PABPC4L: variants seen among roughly 807,000 people sequenced by gnomAD.
PABPC4L encodes poly(A) binding protein cytoplasmic 4 like.
For missense variants in PABPC4L, 452 were observed against 451.4 expected, an observed-to-expected ratio of 1.00 and a Z score of -0.01; for synonymous variants, 169 against 164.1, an observed-to-expected ratio of 1.03 and a Z score of -0.23.
chr4:134,071,716 T>C, the PABPC4L span, among the ~76,000 whole-genome samples: 3 of 152,176 alleles, frequency 2.0e-5, no homozygotes, highest in African/African-American at 7.2e-5. Context: ...GCAAGGTGAT[T>C]GGGTTAGACA....
the PABPC4L span, among the ~76,000 whole-genome samples, chr4:134,148,626 C>T: frequency 1.3e-5 from 2 of 152,028 alleles, no homozygotes; most frequent in South Asian, 4.1e-4. Context: ...TATGCAATTG[C>T]CATTTAAGAT....
chr4:133,957,800 G>T, the PABPC4L span, among the ~76,000 whole-genome samples: 1 of 152,214 alleles, frequency 6.6e-6, no homozygotes, highest in Non-Finnish European at 1.5e-5. Context: ...GCCAAAGCTT[G>T]GGGTTTGCAT....
chr4:134,026,987 C>T, the PABPC4L span, among the ~76,000 whole-genome samples: 2 of 152,072 alleles, frequency 1.3e-5, no homozygotes, highest in Admixed American at 6.6e-5. Context: ...AAAAAATTTA[C>T]GTTTTCTAAG....
At chr4:134,164,461 G>T in the PABPC4L span, among the ~76,000 whole-genome samples, 1 of 151,816 alleles carries the variant, frequency 6.6e-6, no homozygotes, top group African/African-American at 2.4e-5. Context: ...TATACAAATC[G>T]GTAGCACTGC....
At chr4:134,014,425 G>T in the PABPC4L span, among the ~76,000 whole-genome samples, 1 of 152,128 alleles carries the variant, frequency 6.6e-6, no homozygotes, top group Non-Finnish European at 1.5e-5. Context: ...CTCCAGAACT[G>T]CCTCCCCCAG....
At chr4:134,036,983 G>T in the PABPC4L span, among the ~76,000 whole-genome samples, 1 of 151,542 alleles carries the variant, frequency 6.6e-6, no homozygotes, top group Non-Finnish European at 1.5e-5. Flanking sequence ...TTGAACCCAG[G>T]AGGTGGAGGT....
At chr4:133,982,921 G>T in the PABPC4L span, among the ~76,000 whole-genome samples, 3 of 151,880 alleles carry the variant, frequency 2.0e-5, no homozygotes, top group Admixed American at 2.0e-4. Context: ...ATTTAAACAT[G>T]CTCTATTCCT....
the PABPC4L span, among the ~76,000 whole-genome samples, chr4:133,952,730 G>A: frequency 6.6e-6 from 1 of 151,930 alleles, no homozygotes; most frequent in African/African-American, 2.4e-5. Context: ...CCTCTGTTAG[G>A]AGGCCTTATC....
the PABPC4L span, among the ~76,000 whole-genome samples, chr4:134,144,820 T>A: frequency 6.6e-6 from 1 of 151,690 alleles, no homozygotes; most frequent in Admixed American, 6.6e-5. Context: ...ATGCATTTTT[T>A]AGTTATTTAT....
chr4:134,125,880 A>G, the PABPC4L span, among the ~76,000 whole-genome samples: 1 of 152,144 alleles, frequency 6.6e-6, no homozygotes, highest in Admixed American at 6.6e-5. Context: ...ACACACACAC[A>G]CATATACATT....
the PABPC4L span, among the ~76,000 whole-genome samples, chr4:134,083,039 CACAGCAGT>C: frequency 6.6e-6 from 1 of 152,156 alleles, no homozygotes; most frequent in Non-Finnish European, 1.5e-5. Context: ...GACAATGGGA[CACAGCAGT>C]AGAATTGACT....
chr4:134,186,350 C>G, the PABPC4L span, among the ~76,000 whole-genome samples: 2 of 152,032 alleles, frequency 1.3e-5, no homozygotes, highest in Admixed American at 1.3e-4. Context: ...AGATATAGAC[C>G]AATGGAACAG....
At chr4:134,135,955 A>T in the PABPC4L span, among the ~76,000 whole-genome samples, 2 of 152,170 alleles carry the variant, frequency 1.3e-5, no homozygotes, top group Non-Finnish European at 2.9e-5. Flanking sequence ...ATTTTTAAGC[A>T]TAACTCCTCA....
At chr4:134,040,301 G>T in the PABPC4L span, among the ~76,000 whole-genome samples, 2 of 151,322 alleles carry the variant, frequency 1.3e-5, no homozygotes, top group Non-Finnish European at 2.9e-5. Flanking sequence ...AAAGCTGGAG[G>T]CTTCACACTA....
At chr4:134,181,904 C>G in the PABPC4L span, among the ~76,000 whole-genome samples, 12 of 151,590 alleles carry the variant, frequency 7.9e-5, no homozygotes, top group African/African-American at 2.9e-4. Context: ...ATTCCATGCT[C>G]ATAGATAGGA....
At chr4:134,168,642 T>C in the PABPC4L span, among the ~76,000 whole-genome samples, 1 of 152,034 alleles carries the variant, frequency 6.6e-6, no homozygotes, top group Non-Finnish European at 1.5e-5. Flanking sequence ...TATGAGCAAC[T>C]ATATGCCAAT....
chr4:134,078,837 T>TC, the PABPC4L span, among the ~76,000 whole-genome samples: 1 of 151,204 alleles, frequency 6.6e-6, no homozygotes, highest in Admixed American at 6.6e-5. Flanking sequence ...TTCTTTTTTT[T>TC]CTTTTTTTTT....
the PABPC4L span, among the ~76,000 whole-genome samples, chr4:134,085,313 TA>T: frequency 6.3e-4 from 96 of 152,182 alleles, no homozygotes; most frequent in African/African-American, 2.3e-3. Flanking sequence ...TGCATGTACA[TA>T]AAATACATAT....
the PABPC4L span, among the ~76,000 whole-genome samples, chr4:134,138,456 C>T: frequency 1.3e-5 from 2 of 151,704 alleles, no homozygotes; most frequent in Non-Finnish European, 3.0e-5. Flanking sequence ...CTAGTGATTA[C>T]TTAATAATTT....
Sources: allele counts gnomAD v4.1 joint callset (sites outside exome capture counted in the v4.1 genomes callset), GRCh38; gene constraint gnomAD v4.1.1; transcripts MANE v1.5; gene names NCBI Gene and HGNC (gene_info 2026-07-23, HGNC 2026-07-21).